The following PHACTR1 variants were observed in gnomAD, a reference collection of about 807,000 sequenced individuals.
The protein encoded by PHACTR1 is RPEL repeat containing 1.
Under a neutral mutation model 69.2 loss-of-function variants are expected in PHACTR1, and 16 were observed. The ratio of observed to expected loss-of-function variants is 0.23; its 90% CI spans 0.16 to 0.35. PHACTR1 has a LOEUF of 0.35. Ranked by LOEUF, PHACTR1 falls within the 10% of genes least tolerant of loss-of-function variation. The probability of loss-of-function intolerance (pLI) is 1.00; values close to 1 mark genes in which losing one functional copy is unlikely to be tolerated. For missense variants in PHACTR1, 510 were observed against 734.7 expected (o/e 0.69, Z 3.54); for synonymous variants, 312 against 284.5 (o/e 1.10, Z -0.97).
At chr6:13,195,099 G>A (rs73725619) in intron 7 of PHACTR1, among the ~76,000 whole-genome samples, 78 of 152,282 alleles carry the variant, frequency 5.1e-4, no homozygotes, top group African/African-American at 1.8e-3. Context: ...AACGCCAGGC[G>A]AGTGATCATC....
intron 4 of PHACTR1, among the ~76,000 whole-genome samples, chr6:13,052,257 A>G (rs1806076166): frequency 6.6e-6 from 1 of 152,218 alleles, no homozygotes; most frequent in Non-Finnish European, 1.5e-5. Flanking sequence ...TATGTATTTA[A>G]TGAATGGATC....
intron 5 of PHACTR1, among the ~76,000 whole-genome samples, chr6:13,085,202 G>T (rs573215973): frequency 4.6e-5 from 7 of 151,804 alleles, no homozygotes; most frequent in African/African-American, 1.7e-4. Context: ...TGGAAATCCC[G>T]TTATAATCTC....
At chr6:12,728,293 G>C (rs1325619734) in intron 3 of PHACTR1, among the ~76,000 whole-genome samples, 1 of 151,874 alleles carries the variant, frequency 6.6e-6, no homozygotes, top group Non-Finnish European at 1.5e-5. Flanking sequence ...CACCAGCCTG[G>C]GCAATGGAGC....
chr6:12,945,033 C>T (rs1284046419), intron 4 of PHACTR1, among the ~76,000 whole-genome samples: 6 of 152,122 alleles, frequency 3.9e-5, no homozygotes, highest in East Asian at 1.9e-4. Context: ...CCGCCCGTCT[C>T]GGCCTCCCAA....
Position 12,987,679 on chromosome 6 carries a change from A to G in PHACTR1, c.251-65686A>G, listed in dbSNP as rs146893635. On this transcript the variant is annotated intron_variant, in intron 4 of 14. Transcript: ENST00000332995. ...TCAGCAGCAGTGTTTAGGCAGATGCAGCAGGAGAGGCACTTGTCTGTATGT... is the reference window on the plus strand; with the variant it reads ...TCAGCAGCAGTGTTTAGGCAGATGCGGCAGGAGAGGCACTTGTCTGTATGT... Among the ~76,000 whole-genome samples the G allele has an allele frequency of 2.6e-5, 4 of 152,362 alleles. No homozygotes were observed. The East Asian group carries it at 7.7e-4, about 29-fold the overall frequency.
intron 4 of PHACTR1, among the ~76,000 whole-genome samples, chr6:12,815,341 C>A (rs1272827063): frequency 6.6e-6 from 1 of 152,090 alleles, no homozygotes; most frequent in East Asian, 1.9e-4. Flanking sequence ...CCCAAGATTC[C>A]TATCTCTGTT....
intron 4 of PHACTR1, among the ~76,000 whole-genome samples, chr6:12,909,318 G>A (rs1786097702): frequency 6.6e-6 from 1 of 152,100 alleles, no homozygotes; most frequent in African/African-American, 2.4e-5. Flanking sequence ...CAATAATAAC[G>A]ATGTCACTAT....
chr6:13,090,326 A>C (rs1271774427), intron 5 of PHACTR1, among the ~76,000 whole-genome samples: 1 of 151,012 alleles, frequency 6.6e-6, no homozygotes, highest in Non-Finnish European at 1.5e-5. Flanking sequence ...GATTACAGGC[A>C]TGAGCCACCC....
chr6:12,968,183 T>A (rs1793726405), intron 4 of PHACTR1, among the ~76,000 whole-genome samples: 1 of 152,144 alleles, frequency 6.6e-6, no homozygotes, highest in South Asian at 2.1e-4. Flanking sequence ...GCATGCCCGC[T>A]TCCCCCCACA....
chr6:12,758,588 G>A (rs188714309), intron 4 of PHACTR1, among the ~76,000 whole-genome samples: 12 of 151,584 alleles, frequency 7.9e-5, no homozygotes, highest in Admixed American at 1.3e-4. Context: ...TTTTATCCAC[G>A]TGGAAATAAA....
At chr6:13,003,648 T>C (rs1798362466) in intron 4 of PHACTR1, among the ~76,000 whole-genome samples, 1 of 151,994 alleles carries the variant, frequency 6.6e-6, no homozygotes, top group African/African-American at 2.4e-5. Flanking sequence ...GGATATATTA[T>C]GGAGAGGTGA....
intron 4 of PHACTR1, among the ~76,000 whole-genome samples, chr6:12,812,652 G>C (rs1775151337): frequency 1.3e-5 from 2 of 152,214 alleles, no homozygotes; most frequent in South Asian, 4.1e-4. Flanking sequence ...TCTGTAGGCT[G>C]CTTACTTCCC....
chr6:13,193,361 A>G (rs1045780465), intron 7 of PHACTR1, among the ~76,000 whole-genome samples: 16 of 93,990 alleles, frequency 1.7e-4, no homozygotes, highest in African/African-American at 6.3e-4. Context: ...CTCTGTGTAT[A>G]TATATATATA....
chr6:12,845,436 C>CCCT (rs1779147127), intron 4 of PHACTR1, among the ~76,000 whole-genome samples: 8 of 55,814 alleles, frequency 1.4e-4, no homozygotes, highest in African/African-American at 4.3e-4. Context: ...CCCACCCCCC[C>CCCT]CCCCCCCGCC....
rs114955747 is a variant in PHACTR1 at position 12,914,581 on chromosome 6, T to A, written c.251-138784T>A. On this transcript the variant is annotated intron_variant, in intron 4 of 14. Coordinates refer to ENST00000332995, the MANE Select transcript of PHACTR1 (RefSeq NM_030948.6). The stretch of plus-strand genomic sequence containing the variant: ...GGAGGTCCTACACACACCTTAAATG[T>A]AGCAATTGCAAATATGAATTCATTC... Among the ~76,000 whole-genome samples, 655 of 152,254 alleles carry A rather than the reference T, an allele frequency of 4.3e-3. 2 individuals carry two copies. The highest frequency in any genetic ancestry group is 0.015 in the African/African-American group (633 of 41,538).
chr6:12,728,996 C>T (rs935791904), intron 3 of PHACTR1, among the ~76,000 whole-genome samples: 9 of 152,260 alleles, frequency 5.9e-5, no homozygotes, highest in East Asian at 3.9e-4. Context: ...CGAAGCAAGA[C>T]GTCAAGCACC....
intron 4 of PHACTR1, among the ~76,000 whole-genome samples, chr6:12,776,024 A>C (rs996316448): frequency 6.6e-6 from 1 of 152,244 alleles, no homozygotes; most frequent in South Asian, 2.1e-4. Context: ...CAGTCTTAAG[A>C]GTCCACTCAG....
At chr6:13,264,263 A>C (rs1169267462) in intron 10 of PHACTR1, among the ~76,000 whole-genome samples, 1 of 152,116 alleles carries the variant, frequency 6.6e-6, no homozygotes, top group East Asian at 1.9e-4. Flanking sequence ...CTCAAAAATA[A>C]TGCTACCTCC....
intron 4 of PHACTR1, among the ~76,000 whole-genome samples, chr6:12,983,112 G>A (rs1298338524): frequency 6.6e-6 from 1 of 152,182 alleles, no homozygotes; most frequent in African/African-American, 2.4e-5. Context: ...TGTATGACAT[G>A]TTGAATTTGC....
Sources: gnomAD v4.1 joint callset for allele counts (sites outside exome capture counted in the v4.1 genomes callset) on GRCh38, gnomAD v4.1.1 for gene constraint, MANE v1.5 for transcripts, NCBI Gene and HGNC (gene_info 2026-07-23, HGNC 2026-07-21) for gene names.